The following CUBN variants were observed in gnomAD, a reference collection of about 807,000 sequenced individuals.
The protein encoded by CUBN is cubilin.
Under a neutral mutation model 405.3 loss-of-function variants are expected in CUBN, and 282 were observed. The ratio of observed to expected loss-of-function variants is 0.70; its 90% CI spans 0.63 to 0.77. The LOEUF (loss-of-function observed/expected upper bound fraction) is 0.77, where lower values mean the gene tolerates loss of function less well. CUBN is among the 30% of genes least tolerant of loss of function. CUBN has a pLI of 0.00. For missense variants in CUBN, 4,514 were observed against 4,475.2 expected (o/e 1.01, Z -0.25); for synonymous variants, 1,684 against 1,617.0 (o/e 1.04, Z -0.99).
chr10:16,918,789 T>C lies in CUBN; in HGVS notation c.6833A>G (p.Asn2278Ser), dbSNP rs942411004. 1.9e-6 allele frequency: 3 copies of C among 1,613,684 alleles called. No individual in the cohort carries two copies. Among genetic ancestry groups the C allele is most frequent in the East Asian group, 4.5e-5 (2 of 44,848 alleles). Residue 2278 changes from asparagine (N) to serine (S), a missense_variant, in exon 45 of 67, where the codon AAC becomes AGC. Asn to Ser is a conservative substitution (Grantham distance 46). Coordinates refer to ENST00000377833, the MANE Select transcript of CUBN (RefSeq NM_001081.4). ...CACTCCATCCCGCAACTCAAGGTAG[T>C]TGGAAGTACAGCTGAAGTGGGAACA... is the stretch of plus-strand genomic sequence containing the variant. ...DIEVTPNCTS[N>S]YLELRDGVDS...
chr10:16,833,099 T>C lies in CUBN; in HGVS notation c.10363-1682A>G, dbSNP rs3898617. 2.8e-3 allele frequency among the ~76,000 whole-genome samples: 432 copies of C among 152,232 alleles called. 15 individuals carry two copies. Among genetic ancestry groups the C allele is most frequent in the Admixed American group, 0.025 (382 of 15,292 alleles). The stretch of plus-strand genomic sequence containing the variant: ...TGCTTCCCAGCATCTATCAGGCAAA[T>C]GGCAAACGTTGACTCTGATCAATAA... On this transcript the variant is annotated intron_variant, in intron 64 of 66. Transcript: ENST00000377833.
At chr10:16,948,891 A>G (rs529441759) in intron 34 of CUBN, among the ~76,000 whole-genome samples, 1 of 152,306 alleles carries the variant, frequency 6.6e-6, no homozygotes, top group South Asian at 2.1e-4. Flanking sequence ...TACCTAAAGC[A>G]AAAATCTCCA....
At chr10:17,117,673 G>A (rs1339478906) in intron 6 of CUBN, among the ~76,000 whole-genome samples, 4 of 152,104 alleles carry the variant, frequency 2.6e-5, no homozygotes, top group Non-Finnish European at 2.9e-5. Flanking sequence ...CAGGTGATCT[G>A]CCCACCTCGG....
chr10:16,841,932 A>G (rs1839364620), intron 60 of CUBN, among the ~76,000 whole-genome samples: 1 of 147,408 alleles, frequency 6.8e-6, no homozygotes, highest in Non-Finnish European at 1.5e-5. Flanking sequence ...AAAAAAAAAG[A>G]TATCCCCAAC....
intron 32 of CUBN, among the ~76,000 whole-genome samples, chr10:16,953,493 A>C (rs936190660): frequency 3.3e-5 from 5 of 152,188 alleles, no homozygotes; most frequent in Middle Eastern, 3.2e-3. Context: ...AGTCATCTGA[A>C]TACAAGTCAT....
In CUBN at chr10:17,113,913, G is replaced by A. The variant is rs1282102437; in HGVS notation, c.883+114C>T. ...CGAGCAGAACCAGGACACAAAACTG[G>A]ATTTGAACACCTCCTAAGAATTGTC... On this transcript the variant is annotated intron_variant, in intron 8 of 66. Coordinates refer to ENST00000377833, the MANE Select transcript of CUBN (RefSeq NM_001081.4). 11 of 1,053,508 alleles carry A rather than the reference G, an allele frequency of 1.0e-5. No homozygotes were observed. In the Middle Eastern group the frequency reaches 8.6e-4, roughly 83 times the overall value. 65.3% of individuals were successfully genotyped at this position (1,053,508 alleles called of 1,614,324 possible).
chr10:16,940,972 A>G (rs1842634902), intron 36 of CUBN, among the ~76,000 whole-genome samples: 1 of 152,152 alleles, frequency 6.6e-6, no homozygotes, highest in South Asian at 2.1e-4. Context: ...AACTTGTCTT[A>G]TATTCTGCAA....
At chr10:17,022,258 G>C (rs1038038741) in intron 27 of CUBN, among the ~76,000 whole-genome samples, 3 of 152,160 alleles carry the variant, frequency 2.0e-5, no homozygotes, top group African/African-American at 7.2e-5. Context: ...GTGCTTGTGA[G>C]ATTTCAGGGA....
intron 43 of CUBN, among the ~76,000 whole-genome samples, chr10:16,922,728 T>C (rs918939769): frequency 6.6e-6 from 1 of 152,180 alleles, no homozygotes; most frequent in Non-Finnish European, 1.5e-5. Flanking sequence ...TTTTTATCAC[T>C]GATGGGCAAA....
intron 14 of CUBN, among the ~76,000 whole-genome samples, chr10:17,093,709 A>T (rs1836314396): frequency 6.6e-6 from 1 of 152,106 alleles, no homozygotes; most frequent in South Asian, 2.1e-4. Flanking sequence ...TAATAAATAA[A>T]ACAGGCAATC....
chr10:17,080,091 C>A (rs544885450), intron 17 of CUBN, among the ~76,000 whole-genome samples: 3 of 152,240 alleles, frequency 2.0e-5, no homozygotes, highest in Admixed American at 2.0e-4. Flanking sequence ...AAGATTTTAC[C>A]AGGGAGTTGA....
intron 28 of CUBN, among the ~76,000 whole-genome samples, chr10:16,998,497 G>A (rs1199582515): frequency 1.3e-5 from 2 of 152,148 alleles, no homozygotes; most frequent in East Asian, 3.8e-4. Context: ...CCTTGACTTT[G>A]GAATTCCAGC....
chr10:16,841,260 C>T (rs1839339956), intron 60 of CUBN, among the ~76,000 whole-genome samples: 1 of 152,014 alleles, frequency 6.6e-6, no homozygotes, highest in Non-Finnish European at 1.5e-5. Context: ...TTTTTTTCCT[C>T]TTTGGGAAAT....
rs148022765 is a variant in CUBN, at chr10:17,056,337, G to A, written c.3140-8734C>T. 1.9e-3 allele frequency among the ~76,000 whole-genome samples: 291 copies of A among 152,260 alleles called. 1 individual carries two copies. The highest frequency in any genetic ancestry group is 6.6e-3 in the African/African-American group (276 of 41,564). ...ATAAAACTTCTAGAAGGAGCCGGGT[G>A]CGGTGGCTCACGCCTGTAATTCCAG... On this transcript the variant is annotated intron_variant, in intron 22 of 66. Transcript: ENST00000377833.
chr10:17,126,846 T>C (rs1837202939), intron 3 of CUBN, 47 bp from the exon 4 acceptor site: 1 of 1,592,888 alleles, frequency 6.3e-7, no homozygotes, highest in Non-Finnish European at 8.6e-7. Context: ...TCAAAGGCAT[T>C]GCACATGTGA....
intron 31 of CUBN, among the ~76,000 whole-genome samples, chr10:16,962,422 G>A (rs1707288): frequency 0.71 from 106,988 of 150,906 alleles, 38,474 homozygotes; most frequent in African/African-American, 0.81. Flanking sequence ...GAGATAAGAA[G>A]TGAAAATTTT....
chr10:16,909,263 C>T (rs117281395), intron 48 of CUBN, among the ~76,000 whole-genome samples: 1,727 of 152,258 alleles, frequency 0.011, 15 homozygotes, highest in Non-Finnish European at 0.019. Context: ...TGTCTTCTGG[C>T]TCACTGGACC....
Position 16,824,592 on chromosome 10 carries a change from C to G in CUBN, c.*383G>C, listed in dbSNP as rs1436303649. On this transcript the variant is annotated 3_prime_UTR_variant, in exon 67 of 67. Transcript: ENST00000377833. Reference sequence around the variant, plus strand: ...CTGGAGTGTAGTGGTGTGATCTTAGCTCACTGCAACCTCTGCCTCCTGGGT... The same window carrying G: ...CTGGAGTGTAGTGGTGTGATCTTAGGTCACTGCAACCTCTGCCTCCTGGGT... 3.3e-5 allele frequency: 10 copies of G among 304,882 alleles called. No individual in the cohort carries two copies. In the East Asian group the frequency reaches 8.1e-4, roughly 25 times the overall value. The allele number at this position is 304,882 out of a possible 1,614,324, so 18.9% of individuals were successfully genotyped here.
At chr10:16,901,889 G>GTATATA (rs67084462) in intron 51 of CUBN, among the ~76,000 whole-genome samples, 19 of 109,206 alleles carry the variant, frequency 1.7e-4, no homozygotes, top group African/African-American at 3.8e-4. Context: ...ACCATATATA[G>GTATATA]TATATATATA....
Sources: allele counts gnomAD v4.1 joint callset (sites outside exome capture counted in the v4.1 genomes callset), GRCh38; gene constraint gnomAD v4.1.1; transcripts MANE v1.5; gene names NCBI Gene and HGNC (gene_info 2026-07-23, HGNC 2026-07-21).